Variants in TMOD3 observed in about 807,000 individuals in gnomAD.
The protein encoded by TMOD3 is tropomodulin-3.
In TMOD3, 20 loss-of-function variants were observed where a neutral mutation model predicts 39.2. That is an observed-to-expected ratio of 0.51 (90% confidence interval 0.36 to 0.74). The LOEUF is 0.74. Among genes scored for constraint, TMOD3 ranks in the 30% least tolerant of loss-of-function variants. The probability of loss-of-function intolerance (pLI) is 0.00; values close to 1 mark genes in which losing one functional copy is unlikely to be tolerated. For missense variants in TMOD3, 381 were observed against 412.8 expected (o/e 0.92, Z 0.67); for synonymous variants, 143 against 145.8 (o/e 0.98, Z 0.14).
At chr15:51,833,239 T>C (rs1335285332) in intron 1 of TMOD3, 1 of 152,238 alleles carries the variant, frequency 6.6e-6, no homozygotes, top group African/African-American at 2.4e-5. Flanking sequence ...TTTACAATGA[T>C]CAAAGAATAG....
At chr15:51,897,813 AATC>A (rs1486201653) in intron 7 of TMOD3, among the ~76,000 whole-genome samples, 1 of 149,490 alleles carries the variant, frequency 6.7e-6, no homozygotes, top group African/African-American at 2.5e-5. Context: ...AAACTAATGG[AATC>A]ATTCTCGACA....
At chr15:51,905,804 C>T (rs2570219) in intron 9 of TMOD3, among the ~76,000 whole-genome samples, 7,733 of 151,266 alleles carry the variant, frequency 0.051, 468 homozygotes, top group African/African-American at 0.13. Flanking sequence ...ATTAGCTGGG[C>T]GCGGTGGCGG....
chr15:51,888,746 A>T (rs1204768371), intron 4 of TMOD3, among the ~76,000 whole-genome samples: 1 of 152,190 alleles, frequency 6.6e-6, no homozygotes, highest in Admixed American at 6.5e-5. Context: ...GCAAAAATAG[A>T]TCATTTCCAT....
At chr15:51,835,229 A>C (rs974455534) in intron 1 of TMOD3, among the ~76,000 whole-genome samples, 6 of 152,192 alleles carry the variant, frequency 3.9e-5, no homozygotes, top group African/African-American at 1.4e-4. Flanking sequence ...AGGGAGCTTA[A>C]TATTTCTTGT....
At chr15:51,836,440 A>G (rs2056283816) in intron 1 of TMOD3, among the ~76,000 whole-genome samples, 1 of 151,998 alleles carries the variant, frequency 6.6e-6, no homozygotes, top group African/African-American at 2.4e-5. Context: ...TCACCCTTAT[A>G]CTACTCTTAA....
At chr15:51,849,042 T>C (rs1177081447) in intron 1 of TMOD3, among the ~76,000 whole-genome samples, 1 of 152,160 alleles carries the variant, frequency 6.6e-6, no homozygotes, top group Non-Finnish European at 1.5e-5. Context: ...CTTTCGGAAG[T>C]TGGGAAGCTA....
intron 7 of TMOD3, among the ~76,000 whole-genome samples, chr15:51,897,571 G>C (rs138388616): frequency 2.9e-5 from 4 of 136,816 alleles, no homozygotes; most frequent in Non-Finnish European, 6.1e-5. Flanking sequence ...TGCAACCTCC[G>C]CCTCCCGGGT....
At position 51,894,192 on chromosome 15, in the gene TMOD3, C is replaced by G. The variant is rs4775987; in HGVS notation, c.627+247C>G. Reference sequence around the variant, plus strand: ...AACCCTACAAACTGTCAGAATAAATCTCAGGTTTTCTAAATACTGCCCACT... The same window carrying G: ...AACCCTACAAACTGTCAGAATAAATGTCAGGTTTTCTAAATACTGCCCACT... On this transcript the variant is annotated intron_variant, in intron 6 of 9. Transcript: ENST00000308580. Among the ~76,000 whole-genome samples the G allele has an allele frequency of 0.015, 2,316 of 152,240 alleles. 85 individuals are homozygous for G. The highest frequency in any genetic ancestry group is 0.074 in the Admixed American group (1,136 of 15,290).
chr15:51,844,098 A>AT (rs1415117753), intron 1 of TMOD3, among the ~76,000 whole-genome samples: 1 of 152,208 alleles, frequency 6.6e-6, no homozygotes, highest in Non-Finnish European at 1.5e-5. Flanking sequence ...AATTAAAAAA[A>AT]ATCAATAAAT....
At chr15:51,892,531 C>T (rs1425560219) in intron 5 of TMOD3, 1 of 152,082 alleles carries the variant, frequency 6.6e-6, no homozygotes, top group African/African-American at 2.4e-5. Context: ...ATTTTGGAGC[C>T]TCTGTCTCAG....
In TMOD3 at chr15:51,909,564, A is replaced by G. The variant is rs2056699597; in HGVS notation, c.*754A>G. The G allele has an allele frequency of 6.6e-6, 1 of 152,646 alleles. No homozygotes were observed. The highest frequency in any genetic ancestry group is 2.1e-4 in the South Asian group (1 of 4,832). 9.5% of individuals were successfully genotyped at this position (152,646 alleles called of 1,614,324 possible). A position where few individuals can be genotyped will look rare whatever the true frequency, so the allele number is the denominator to read the frequency against. On this transcript the variant is annotated 3_prime_UTR_variant, in exon 10 of 10. Transcript: ENST00000308580. Reference sequence around the variant, plus strand: ...TTAAATTTTTGTGGAAGCTAATAGTAAAAAATAAAAGCTGTTTTCACCACC... The same window carrying G: ...TTAAATTTTTGTGGAAGCTAATAGTGAAAAATAAAAGCTGTTTTCACCACC...
At chr15:51,877,364 T>A (rs755824697) in intron 3 of TMOD3, among the ~76,000 whole-genome samples, 12 of 152,116 alleles carry the variant, frequency 7.9e-5, no homozygotes, top group Non-Finnish European at 1.5e-4. Flanking sequence ...ACAGTTTGAT[T>A]CTTTGGAGTC....
Position 51,911,138 on chromosome 15 carries a change from C to T in TMOD3, c.*2328C>T, listed in dbSNP as rs1415868666. The T allele has an allele frequency of 2.6e-5, 4 of 152,188 alleles. No homozygotes were observed. The highest frequency in any genetic ancestry group is 4.4e-5 in the Non-Finnish European group (3 of 68,046). The allele number at this position is 152,188 out of a possible 1,614,324, so 9.4% of individuals were successfully genotyped here. A position where few individuals can be genotyped will look rare whatever the true frequency, so the allele number is the denominator to read the frequency against. ...ACCTAGACTTTCAGTCAGGCATCCT[C>T]GTTTGCATTGTCCTGTAAGTCAATT... On this transcript the variant is annotated 3_prime_UTR_variant, in exon 10 of 10. Transcript: ENST00000308580.
At position 51,911,230 on chromosome 15, in the gene TMOD3, G is replaced by C. The variant is rs1396822914; in HGVS notation, c.*2420G>C. 6.6e-6 allele frequency: 1 copy of C among 152,132 alleles called. No homozygotes were observed. Among genetic ancestry groups the C allele is most frequent in the Non-Finnish European group, 1.5e-5 (1 of 68,020 alleles). 9.4% of individuals were successfully genotyped at this position (152,132 alleles called of 1,614,324 possible). On this transcript the variant is annotated 3_prime_UTR_variant, in exon 10 of 10. Transcript: ENST00000308580. Reference sequence around the variant, plus strand: ...TTGTTTTTGTTTTTAATATAGGTAAGTGGGACTCTACCTAAAATTTTGCAT... The same window carrying C: ...TTGTTTTTGTTTTTAATATAGGTAACTGGGACTCTACCTAAAATTTTGCAT...
intron 7 of TMOD3, among the ~76,000 whole-genome samples, chr15:51,897,841 C>G (rs1157347425): frequency 6.7e-6 from 1 of 150,294 alleles, no homozygotes; most frequent in Non-Finnish European, 1.5e-5. Flanking sequence ...TTTCTTGCAA[C>G]TTAAACCTAC....
Position 51,908,915 on chromosome 15 carries a change from A to AT in TMOD3, c.*112dup. 2 of 884,024 alleles carry AT rather than the reference A, an allele frequency of 2.3e-6. No individual in the cohort carries two copies. The highest frequency in any genetic ancestry group is 2.1e-5 in the South Asian group (1 of 47,626). 54.8% of individuals were successfully genotyped at this position (884,024 alleles called of 1,614,324 possible). A position where few individuals can be genotyped will look rare whatever the true frequency, so the allele number is the denominator to read the frequency against. ...GGGTAGAAGGGAAAAGACTGGAAAA[A>AT]TTTTTTTAGTGACATGCATTTTTTT... is the stretch of plus-strand genomic sequence containing the variant. On this transcript the variant is annotated 3_prime_UTR_variant, in exon 10 of 10. Coordinates refer to ENST00000308580, the MANE Select transcript of TMOD3 (RefSeq NM_014547.5).
At chr15:51,902,646 T>G (rs1432662052) in intron 9 of TMOD3, among the ~76,000 whole-genome samples, 4 of 46,454 alleles carry the variant, frequency 8.6e-5, no homozygotes, top group African/African-American at 3.1e-4. Flanking sequence ...ATTTTTGTAT[T>G]TTTTTTTTTT....
intron 3 of TMOD3, among the ~76,000 whole-genome samples, chr15:51,877,111 C>T (rs2056508452): frequency 6.6e-6 from 1 of 152,104 alleles, no homozygotes; most frequent in Non-Finnish European, 1.5e-5. Context: ...ACTTTTTGAA[C>T]ATATGTAATA....
chr15:51,894,176 A>G (rs1262846516), intron 6 of TMOD3, among the ~76,000 whole-genome samples: 3 of 152,204 alleles, frequency 2.0e-5, no homozygotes, highest in African/African-American at 7.2e-5. Flanking sequence ...AAACCCTACA[A>G]ACTGTCAGAA....
Sources: gnomAD v4.1 joint callset for allele counts (sites outside exome capture counted in the v4.1 genomes callset) on GRCh38, gnomAD v4.1.1 for gene constraint, MANE v1.5 for transcripts, NCBI Gene and HGNC (gene_info 2026-07-23, HGNC 2026-07-21) for gene names.